Variants in SHISA9 observed in about 807,000 individuals in gnomAD.
The protein encoded by SHISA9 is protein shisa-9.
Under a neutral mutation model 38.0 loss-of-function variants are expected in SHISA9, and 13 were observed. The ratio of observed to expected loss-of-function variants is 0.34; its 90% CI spans 0.22 to 0.54. The LOEUF is 0.54. SHISA9 is among the 20% of genes least tolerant of loss of function. SHISA9 has a pLI of 0.91. For missense variants in SHISA9, 538 were observed against 575.8 expected (o/e 0.93, Z 0.67); for synonymous variants, 275 against 242.0 (o/e 1.14, Z -1.27).
At chr16:13,428,602 A>T in the SHISA9 span, among the ~76,000 whole-genome samples, 1 of 152,198 alleles carries the variant, frequency 6.6e-6, no homozygotes, top group Non-Finnish European at 1.5e-5. Context: ...TCTGCACACT[A>T]AGAAGAAACT....
chr16:13,532,162 C>G, the SHISA9 span, among the ~76,000 whole-genome samples: 2 of 152,172 alleles, frequency 1.3e-5, no homozygotes, highest in Admixed American at 6.5e-5. Context: ...CAACTTATCC[C>G]TGCTCTGAAT....
At chr16:13,253,674 A>T in the SHISA9 span, among the ~76,000 whole-genome samples, 1 of 152,174 alleles carries the variant, frequency 6.6e-6, no homozygotes, top group Non-Finnish European at 1.5e-5. Context: ...ATTATCTCCC[A>T]CAAGATCCCT....
At chr16:13,278,686 T>C in the SHISA9 span, among the ~76,000 whole-genome samples, 2 of 152,138 alleles carry the variant, frequency 1.3e-5, no homozygotes, top group Non-Finnish European at 2.9e-5. Context: ...CTTCTAGGTT[T>C]TCTAGTATAT....
chr16:13,398,501 C>CT, the SHISA9 span, among the ~76,000 whole-genome samples: 2 of 126,434 alleles, frequency 1.6e-5, no homozygotes, highest in African/African-American at 3.2e-5. Flanking sequence ...GTTTATTCAC[C>CT]ATTTTTTTTT....
the SHISA9 span, among the ~76,000 whole-genome samples, chr16:13,297,964 C>G: frequency 2.6e-5 from 4 of 152,170 alleles, no homozygotes; most frequent in Non-Finnish European, 5.9e-5. Flanking sequence ...CCATGTTGGT[C>G]AGGCTGGTCT....
chr16:13,507,666 T>C, the SHISA9 span, among the ~76,000 whole-genome samples: 1 of 152,144 alleles, frequency 6.6e-6, no homozygotes, highest in Non-Finnish European at 1.5e-5. Context: ...ACCAGATGCT[T>C]TGTTTTGCAA....
chr16:13,011,156 G>T (rs569406416), intron 2 of SHISA9, among the ~76,000 whole-genome samples: 1 of 152,098 alleles, frequency 6.6e-6, no homozygotes, highest in Non-Finnish European at 1.5e-5. Flanking sequence ...ACACACAAAT[G>T]ATGATTTTAG....
At chr16:13,125,759 A>T (rs1472683191) in intron 2 of SHISA9, among the ~76,000 whole-genome samples, 5 of 152,230 alleles carry the variant, frequency 3.3e-5, no homozygotes, top group Admixed American at 3.3e-4. Context: ...GACTACCTTG[A>T]CATTAAATGC....
chr16:13,551,838 C>T, the SHISA9 span, among the ~76,000 whole-genome samples: 1 of 152,098 alleles, frequency 6.6e-6, no homozygotes, highest in Non-Finnish European at 1.5e-5. Context: ...ACCAGCCTGG[C>T]CAGCATGGTG....
intron 2 of SHISA9, among the ~76,000 whole-genome samples, chr16:12,922,132 G>T (rs2071336250): frequency 6.6e-6 from 1 of 152,240 alleles, no homozygotes; most frequent in South Asian, 2.1e-4. Context: ...GGTGTTTGCA[G>T]TGTGAGTGGG....
rs866699771 is a variant in SHISA9, at chr16:13,026,832, T to C, written c.691+110017T>C. ...ATGATGGAAGACTAACAAGTAGCCA[T>C]GATGCTTAGTATTATTTCCATTTTA... On this transcript the variant is annotated intron_variant, in intron 2 of 4. Transcript: ENST00000558583. 6.6e-5 allele frequency among the ~76,000 whole-genome samples: 10 copies of C among 152,192 alleles called. No homozygotes were observed. In the South Asian group the frequency reaches 1.2e-3, roughly 19 times the overall value.
intron 2 of SHISA9, among the ~76,000 whole-genome samples, chr16:13,015,557 C>T (rs548842192): frequency 1.3e-5 from 2 of 152,180 alleles, no homozygotes; most frequent in Non-Finnish European, 2.9e-5. Context: ...TATTTTTACC[C>T]CTCATTTTTG....
chr16:12,904,111 G>A (rs1229904932), intron 1 of SHISA9, among the ~76,000 whole-genome samples: 1 of 152,026 alleles, frequency 6.6e-6, no homozygotes, highest in Non-Finnish European at 1.5e-5. Context: ...CTCTGGCCCC[G>A]CCCACCTTCC....
chr16:12,997,953 G>A (rs1169203606), intron 2 of SHISA9, among the ~76,000 whole-genome samples: 4 of 152,096 alleles, frequency 2.6e-5, no homozygotes, highest in African/African-American at 7.2e-5. Flanking sequence ...TGTTATACAC[G>A]GCGTGTAATA....
chr16:13,488,713 T>A, the SHISA9 span, among the ~76,000 whole-genome samples: 1 of 152,264 alleles, frequency 6.6e-6, no homozygotes, highest in African/African-American at 2.4e-5. Flanking sequence ...GTTTGCACAA[T>A]GATCCAATCA....
At chr16:13,517,583 G>A in the SHISA9 span, among the ~76,000 whole-genome samples, 2 of 152,126 alleles carry the variant, frequency 1.3e-5, no homozygotes, top group Non-Finnish European at 2.9e-5. Context: ...CATCCCTGAA[G>A]GCAACTCAAT....
At chr16:13,344,778 C>T in the SHISA9 span, among the ~76,000 whole-genome samples, 1 of 152,144 alleles carries the variant, frequency 6.6e-6, no homozygotes, top group Non-Finnish European at 1.5e-5. Context: ...AATCTCACAA[C>T]CAGTAAATGA....
At chr16:13,457,927 C>CCCTTCCTTCCTTCCTTGCTT in the SHISA9 span, among the ~76,000 whole-genome samples, 3 of 151,452 alleles carry the variant, frequency 2.0e-5, no homozygotes, top group East Asian at 5.8e-4. Flanking sequence ...CTTCCTTCCT[C>CCCTTCCTTCCTTCCTTGCTT]CCTTCCTTCC....
chr16:13,053,283 G>T (rs1033230623), intron 2 of SHISA9, among the ~76,000 whole-genome samples: 2 of 151,952 alleles, frequency 1.3e-5, no homozygotes, highest in African/African-American at 4.8e-5. Context: ...TCTACTGTCT[G>T]CATTCAATCC....
Sources: gnomAD v4.1 joint callset for allele counts (sites outside exome capture counted in the v4.1 genomes callset) on GRCh38, gnomAD v4.1.1 for gene constraint, MANE v1.5 for transcripts, NCBI Gene and HGNC (gene_info 2026-07-23, HGNC 2026-07-21) for gene names.